Variants in JMY observed in about 807,000 individuals in gnomAD.
The protein encoded by JMY is junction-mediating and -regulatory protein.
In JMY, 46 loss-of-function variants were observed where a neutral mutation model predicts 103.3. That is an observed-to-expected ratio of 0.45 (90% CI 0.35 to 0.57). The LOEUF (loss-of-function observed/expected upper bound fraction) is 0.57, where lower values mean the gene tolerates loss of function less well. Ranked by LOEUF, JMY falls within the 20% of genes least tolerant of loss-of-function variation. The probability of loss-of-function intolerance (pLI) is 0.00; values close to 1 mark genes in which losing one functional copy is unlikely to be tolerated. For synonymous variants in JMY, 526 were observed against 489.3 expected (o/e 1.07, Z -0.99); for missense variants, 1,238 against 1,255.2 (o/e 0.99, Z 0.21).
At chr5:79,279,566 G>A (rs190882692) in intron 2 of JMY, among the ~76,000 whole-genome samples, 1 of 152,284 alleles carries the variant, frequency 6.6e-6, no homozygotes, top group East Asian at 1.9e-4. Context: ...AACCTTATGC[G>A]TGGGGACAGG....
At chr5:79,318,589 A>G (rs1747317830) in intron 10 of JMY, among the ~76,000 whole-genome samples, 1 of 152,138 alleles carries the variant, frequency 6.6e-6, no homozygotes. Context: ...ACCATGATTC[A>G]GCCAACATTC....
At chr5:79,272,046 A>T (rs1745799605) in intron 1 of JMY, among the ~76,000 whole-genome samples, 1 of 150,128 alleles carries the variant, frequency 6.7e-6, no homozygotes, top group South Asian at 2.1e-4. Context: ...CGGGAGGTGG[A>T]GGTTGCAGTG....
chr5:79,257,987 T>C (rs983834191), intron 1 of JMY, among the ~76,000 whole-genome samples: 2 of 152,088 alleles, frequency 1.3e-5, no homozygotes, highest in African/African-American at 4.8e-5. Context: ...GGTCTTGAAC[T>C]CCTAACCTCA....
intron 1 of JMY, among the ~76,000 whole-genome samples, chr5:79,247,150 A>T (rs1329396687): frequency 2.0e-5 from 3 of 152,226 alleles, no homozygotes; most frequent in Non-Finnish European, 4.4e-5. Flanking sequence ...ATGTTGTCCA[A>T]TTGAAATATA....
intron 3 of JMY, among the ~76,000 whole-genome samples, chr5:79,290,481 A>T (rs962833353): frequency 7.2e-5 from 11 of 152,006 alleles, no homozygotes; most frequent in Admixed American, 6.6e-5. Context: ...TATGAATAGT[A>T]AATAATTGTG....
chr5:79,250,650 CTTTTTTTT>C (rs200738584), intron 1 of JMY, among the ~76,000 whole-genome samples: 42 of 122,728 alleles, frequency 3.4e-4, no homozygotes, highest in South Asian at 5.2e-4. Flanking sequence ...AATTATTTTT[CTTTTTTTT>C]TTTTTTTTTT....
intron 7 of JMY, among the ~76,000 whole-genome samples, chr5:79,308,923 T>G (rs987748427): frequency 6.6e-6 from 1 of 152,158 alleles, no homozygotes; most frequent in African/African-American, 2.4e-5. Context: ...CTAAGATACC[T>G]AAGTCTTTCT....
intron 1 of JMY, among the ~76,000 whole-genome samples, chr5:79,244,835 T>G (rs1301218792): frequency 2.7e-5 from 4 of 148,820 alleles, no homozygotes; most frequent in Admixed American, 1.3e-4. Flanking sequence ...AACTATTTGT[T>G]TTTTTTTTTT....
rs148522121 is a variant in JMY, at chr5:79,277,398, G to A, written c.1033-512G>A. Among the ~76,000 whole-genome samples the A allele has an allele frequency of 2.3e-3, 347 of 151,996 alleles. 1 individual carries two copies. Among genetic ancestry groups the A allele is most frequent in the African/African-American group, 7.3e-3 (303 of 41,458 alleles). On this transcript the variant is annotated intron_variant, in intron 1 of 10. Coordinates refer to ENST00000396137, the MANE Select transcript of JMY (RefSeq NM_152405.5). ...TCTTAGCACTTTGGGAGGCCGAGGC[G>A]GGTGGCTGTCTTGAGCCAAGGAGTT...
intron 10 of JMY, among the ~76,000 whole-genome samples, chr5:79,317,880 C>T (rs1747290118): frequency 6.6e-6 from 1 of 151,996 alleles, no homozygotes; most frequent in Non-Finnish European, 1.5e-5. Flanking sequence ...ACAGGGTCTC[C>T]TTATGGTTGC....
chr5:79,258,333 C>G (rs1375147907), intron 1 of JMY, among the ~76,000 whole-genome samples: 1 of 108,162 alleles, frequency 9.2e-6, no homozygotes, highest in Admixed American at 1.2e-4. Context: ...TTTTTTTTGA[C>G]AGGGTCTCCC....
At chr5:79,275,023 A>C (rs1745897068) in intron 1 of JMY, among the ~76,000 whole-genome samples, 1 of 152,148 alleles carries the variant, frequency 6.6e-6, no homozygotes, top group Non-Finnish European at 1.5e-5. Context: ...TTATATATGA[A>C]TTTGGACTTT....
At chr5:79,240,044 C>T (rs1359985280) in intron 1 of JMY, among the ~76,000 whole-genome samples, 1 of 149,898 alleles carries the variant, frequency 6.7e-6, no homozygotes, top group Non-Finnish European at 1.5e-5. Flanking sequence ...GAGATGGAGT[C>T]TCGCTCTGTC....
intron 7 of JMY, among the ~76,000 whole-genome samples, chr5:79,310,299 T>TA (rs1186470853): frequency 6.6e-6 from 1 of 151,906 alleles, no homozygotes; most frequent in Non-Finnish European, 1.5e-5. Context: ...GCCCTTGAGT[T>TA]ATCTGCCCGC....
At chr5:79,266,966 T>C (rs911101929) in intron 1 of JMY, among the ~76,000 whole-genome samples, 2 of 152,224 alleles carry the variant, frequency 1.3e-5, no homozygotes, top group African/African-American at 2.4e-5. Flanking sequence ...CAATGAAATA[T>C]AACATGTCTT....
chr5:79,283,975 G>A (rs1408604555), intron 2 of JMY, among the ~76,000 whole-genome samples: 1 of 152,098 alleles, frequency 6.6e-6, no homozygotes, highest in Admixed American at 6.5e-5. Context: ...AAGCGTGTTT[G>A]TATTCTTTGT....
At chr5:79,313,137 A>G (rs572751177) in intron 8 of JMY, among the ~76,000 whole-genome samples, 1 of 152,282 alleles carries the variant, frequency 6.6e-6, no homozygotes, top group South Asian at 2.1e-4. Context: ...GCAGGGGAAA[A>G]GCCTTGTTAT....
intron 1 of JMY, among the ~76,000 whole-genome samples, chr5:79,254,834 CTT>C (rs373774557): frequency 1.3e-5 from 2 of 148,360 alleles, no homozygotes; most frequent in African/African-American, 5.0e-5. Context: ...ATTGTTTTCT[CTT>C]TTTTTTTTCC....
intron 2 of JMY, among the ~76,000 whole-genome samples, chr5:79,288,064 A>G (rs1452951429): frequency 1.3e-5 from 2 of 152,248 alleles, no homozygotes; most frequent in Non-Finnish European, 2.9e-5. Flanking sequence ...AAACAACTCC[A>G]CCAGAATCCT....
Sources: allele counts gnomAD v4.1 joint callset (sites outside exome capture counted in the v4.1 genomes callset), GRCh38; gene constraint gnomAD v4.1.1; transcripts MANE v1.5; gene names NCBI Gene and HGNC (gene_info 2026-07-23, HGNC 2026-07-21).